EYA2: variants seen among roughly 807,000 people sequenced by gnomAD.
EYA2 encodes protein phosphatase EYA2.
In EYA2, 31 loss-of-function variants were observed where a neutral mutation model predicts 69.2. The ratio of observed to expected loss-of-function variants is 0.45; its 90% CI spans 0.34 to 0.60. EYA2 has a LOEUF of 0.60. Among genes scored for constraint, EYA2 ranks in the 20% least tolerant of loss-of-function variants. The pLI is 0.02. For missense variants in EYA2, 622 were observed against 701.2 expected, an observed-to-expected ratio of 0.89 and a Z score of 1.28; for synonymous variants, 257 against 279.4, an observed-to-expected ratio of 0.92 and a Z score of 0.80.
intron 8 of EYA2, chr20:47,096,085 C>T (rs1055169398): frequency 3.3e-5 from 5 of 152,152 alleles, no homozygotes; most frequent in Admixed American, 2.0e-4. Context: ...AAAAAAGTTA[C>T]ATCAGACAGG....
intron 9 of EYA2, among the ~76,000 whole-genome samples, chr20:47,134,559 A>G (rs1212010): frequency 6.9e-6 from 1 of 144,900 alleles, no homozygotes; most frequent in Admixed American, 6.7e-5. Context: ...TACATTTTAC[A>G]CTATAACCCA....
Position 47,016,199 on chromosome 20 carries a change from G to T in EYA2, c.317G>T (p.Ser106Ile), listed in dbSNP as rs765160974. 1 of 1,614,044 alleles carries T rather than the reference G, an allele frequency of 6.2e-7. No homozygotes were observed. The highest frequency in any genetic ancestry group is 8.5e-7 in the Non-Finnish European group (1 of 1,179,926). The change falls in exon 5 of 16, where the codon AGC becomes ATC. Residue 106 changes from serine to isoleucine, a missense_variant. Physicochemically the swap from Ser to Ile is moderately radical, Grantham distance 142 (BLOSUM62 -2). Coordinates refer to ENST00000327619, the MANE Select transcript of EYA2 (RefSeq NM_005244.5). ...TTCAAAGGCATCAAGACAGAAGACA[G>T]CTTGAACCATTCCCCTGGCCAGAGT... ...IPSYSIKTED[S>I]LNHSPGQSGF...
chr20:47,010,832 G>C (rs1452767088), intron 4 of EYA2, among the ~76,000 whole-genome samples: 1 of 148,014 alleles, frequency 6.8e-6, no homozygotes, highest in African/African-American at 2.5e-5. Context: ...GTGTCTCCCA[G>C]GTTGGAGTGC....
chr20:47,016,120 G>T lies in EYA2; in HGVS notation c.299-61G>T, dbSNP rs546319918. On this transcript the variant is annotated intron_variant, in intron 4 of 15. Transcript: ENST00000327619. ...TTGACCCAGTAGCTCTTTTGTGGGT[G>T]ACAAGGACGCATCCTAATCATGTGT... The T allele has an allele frequency of 2.4e-6, 3 of 1,237,068 alleles. No homozygotes were observed. In the East Asian group the frequency reaches 7.0e-5, roughly 29 times the overall value. 76.6% of individuals were successfully genotyped at this position (1,237,068 alleles called of 1,614,324 possible). A position where few individuals can be genotyped will look rare whatever the true frequency, so the allele number is the denominator to read the frequency against.
At chr20:47,068,858 T>C (rs1374154316) in intron 5 of EYA2, among the ~76,000 whole-genome samples, 1 of 152,184 alleles carries the variant, frequency 6.6e-6, no homozygotes, top group East Asian at 1.9e-4. Context: ...TCTTGTTTGA[T>C]GTAAGTCACC....
At chr20:46,934,873 T>C (rs370743586) in intron 1 of EYA2, among the ~76,000 whole-genome samples, 5 of 152,178 alleles carry the variant, frequency 3.3e-5, no homozygotes, top group African/African-American at 4.8e-5. Flanking sequence ...GGCCAGATGA[T>C]TGAAATCCTT....
chr20:46,915,728 TG>T (rs1298324875), intron 1 of EYA2, among the ~76,000 whole-genome samples: 1 of 152,222 alleles, frequency 6.6e-6, no homozygotes, highest in Non-Finnish European at 1.5e-5. Flanking sequence ...CTGGGGCCAT[TG>T]GGAGATCTGC....
intron 9 of EYA2, among the ~76,000 whole-genome samples, chr20:47,132,089 T>C (rs76624531): frequency 0.022 from 3,374 of 152,198 alleles, 118 homozygotes; most frequent in East Asian, 0.09. Flanking sequence ...GCTAGGACTG[T>C]AGGCACACAC....
chr20:47,026,653 T>C (rs1447894246), intron 5 of EYA2, among the ~76,000 whole-genome samples: 1 of 152,226 alleles, frequency 6.6e-6, no homozygotes, highest in Non-Finnish European at 1.5e-5. Context: ...TCAATCAGGA[T>C]TTCAGACTCA....
At chr20:46,903,363 C>G (rs143865200) in intron 1 of EYA2, among the ~76,000 whole-genome samples, 11 of 152,312 alleles carry the variant, frequency 7.2e-5, no homozygotes, top group African/African-American at 2.6e-4. Context: ...GGCTTCTGCA[C>G]CTGAAACCGC....
At chr20:47,037,209 A>G (rs893898082) in intron 5 of EYA2, among the ~76,000 whole-genome samples, 8 of 152,064 alleles carry the variant, frequency 5.3e-5, no homozygotes, top group African/African-American at 1.9e-4. Flanking sequence ...TGGCTCAATT[A>G]CCTCCTCCAA....
In EYA2 at chr20:47,089,352, C is replaced by A; in HGVS notation, c.775C>A (p.Pro259Thr). Residue 259 changes from proline (P) to threonine (T), a missense_variant, in exon 8 of 16, where the codon CCG becomes ACG. Physicochemically the swap from Pro to Thr is conservative, Grantham distance 38. Coordinates refer to ENST00000327619, the MANE Select transcript of EYA2 (RefSeq NM_005244.5). ...AGGCCGGTCTAAGAGGAGCAGTGAC[C>A]CGTCCCCGGCAGGGGACAATGAGAT... ...LRGRSKRSSD[P>T]SPAGDNEIER... 1 of 1,614,066 alleles carries A rather than the reference C, an allele frequency of 6.2e-7. No individual in the cohort carries two copies. The highest frequency in any genetic ancestry group is 1.3e-5 in the African/African-American group (1 of 75,056).
Position 46,913,755 on chromosome 20 carries a change from G to A in EYA2, c.-11+18768G>A, listed in dbSNP as rs73908716. On this transcript the variant is annotated intron_variant, in intron 1 of 15. Transcript: ENST00000327619. The stretch of plus-strand genomic sequence containing the variant: ...GGTGACTCCAAGGCCTCTGGGCTGG[G>A]CATTTGGGAGGATGGAGCTGCCCTT... Among the ~76,000 whole-genome samples the A allele has an allele frequency of 6.8e-3, 1,031 of 152,282 alleles. 13 individuals carry two copies. Among genetic ancestry groups the A allele is most frequent in the African/African-American group, 0.023 (946 of 41,542 alleles).
chr20:47,169,308 T>A, intron 11 of EYA2, 111 bp downstream of exon 11: 1 of 1,001,826 alleles, frequency 1.0e-6, no homozygotes, highest in South Asian at 1.3e-5. Context: ...GGACAAGGAG[T>A]GCCTGCCTCC....
At chr20:47,141,535 A>G (rs1313046007) in intron 9 of EYA2, among the ~76,000 whole-genome samples, 1 of 152,202 alleles carries the variant, frequency 6.6e-6, no homozygotes, top group African/African-American at 2.4e-5. Flanking sequence ...AGGATAGGTA[A>G]GGGCATGCTG....
In EYA2 at chr20:47,172,556, C is replaced by A. The variant is rs374702195; in HGVS notation, c.1038-151C>A. On this transcript the variant is annotated intron_variant, in intron 11 of 15. Coordinates refer to ENST00000327619, the MANE Select transcript of EYA2 (RefSeq NM_005244.5). ...ATGAAAGCTGTGGTCCTGCTGCCCC[C>A]CAAATGCACACTCGCAGCACCCTGT... 3.3e-5 allele frequency: 22 copies of A among 659,496 alleles called. No individual in the cohort carries two copies. In the East Asian group the frequency reaches 4.4e-4, roughly 13 times the overall value. The allele number at this position is 659,496 out of a possible 1,614,324, so 40.9% of individuals were successfully genotyped here. A position where few individuals can be genotyped will look rare whatever the true frequency, so the allele number is the denominator to read the frequency against.
intron 10 of EYA2, among the ~76,000 whole-genome samples, chr20:47,149,827 G>A (rs908996167): frequency 1.3e-5 from 2 of 152,100 alleles, no homozygotes; most frequent in Non-Finnish European, 1.5e-5. Flanking sequence ...AGTCCAGACT[G>A]GGCAACAGAG....
At chr20:47,167,062 G>A (rs1388873021) in intron 10 of EYA2, 1 of 154,786 alleles carries the variant, frequency 6.5e-6, no homozygotes, top group African/African-American at 2.4e-5. Context: ...GTTGGCAGGT[G>A]TGCATCGTGT....
At chr20:47,148,640 T>C (rs2033757846) in intron 10 of EYA2, among the ~76,000 whole-genome samples, 1 of 152,172 alleles carries the variant, frequency 6.6e-6, no homozygotes, top group South Asian at 2.1e-4. Flanking sequence ...CCTCCCCTGC[T>C]CCCTGCCACT....
Sources: allele counts gnomAD v4.1 joint callset (sites outside exome capture counted in the v4.1 genomes callset), GRCh38; gene constraint gnomAD v4.1.1; transcripts MANE v1.5; gene names NCBI Gene and HGNC (gene_info 2026-07-23, HGNC 2026-07-21).